SGCD: variants seen among roughly 807,000 people sequenced by gnomAD.
SGCD encodes sarcoglycan delta.
A neutral mutation model predicts 36.6 loss-of-function variants in SGCD; 18 were observed. The observed-to-expected ratio is 0.49, with a 90% CI of 0.34 to 0.73. The LOEUF (loss-of-function observed/expected upper bound fraction) is 0.73, where lower values mean the gene tolerates loss of function less well. SGCD is among the 30% of genes least tolerant of loss of function. The probability of loss-of-function intolerance (pLI) is 0.01; values close to 1 mark genes in which losing one functional copy is unlikely to be tolerated. For missense variants in SGCD, 387 were observed against 346.7 expected (o/e 1.12, Z -0.92); for synonymous variants, 133 against 130.6 (o/e 1.02, Z -0.12).
At chr5:155,800,934 A>G in the SGCD span, among the ~76,000 whole-genome samples, 1 of 152,126 alleles carries the variant, frequency 6.6e-6, no homozygotes, top group South Asian at 2.1e-4. Flanking sequence ...CAGTTAAATC[A>G]TGCTTGTCTT....
intron 1 of SGCD, among the ~76,000 whole-genome samples, chr5:155,905,187 A>C (rs1032406135): frequency 2.0e-5 from 3 of 152,184 alleles, no homozygotes; most frequent in African/African-American, 7.2e-5. Flanking sequence ...TGGAAAGTAT[A>C]GTTCCAGTTT....
chr5:155,844,148 A>G, the SGCD span, among the ~76,000 whole-genome samples: 2 of 151,960 alleles, frequency 1.3e-5, no homozygotes, highest in African/African-American at 2.4e-5. Context: ...AAGGCCTCAC[A>G]CTTATCTGAA....
the SGCD span, among the ~76,000 whole-genome samples, chr5:155,788,609 C>T: frequency 6.6e-6 from 1 of 152,138 alleles, no homozygotes; most frequent in Non-Finnish European, 1.5e-5. Context: ...ACTAGGTCTT[C>T]TATAGCAACC....
intron 6 of SGCD, among the ~76,000 whole-genome samples, chr5:156,640,445 A>G (rs960795422): frequency 3.1e-5 from 4 of 128,738 alleles, no homozygotes; most frequent in African/African-American, 1.0e-4. Flanking sequence ...ATTTTTAAAA[A>G]TGGATTTAAA....
intron 1 of SGCD, among the ~76,000 whole-genome samples, chr5:155,932,286 A>G (rs1010109934): frequency 6.6e-6 from 1 of 152,052 alleles, no homozygotes; most frequent in Non-Finnish European, 1.5e-5. Flanking sequence ...TTATTTCCCA[A>G]CTGTAGACTT....
chr5:155,767,622 G>C, the SGCD span, among the ~76,000 whole-genome samples: 1 of 152,262 alleles, frequency 6.6e-6, no homozygotes, highest in African/African-American at 2.4e-5. Context: ...GTACAGTGGA[G>C]CAAGTGTGAT....
chr5:156,061,702 T>C (rs571338638), intron 1 of SGCD, among the ~76,000 whole-genome samples: 2 of 145,290 alleles, frequency 1.4e-5, no homozygotes, highest in East Asian at 3.9e-4. Context: ...AATAGAAAAC[T>C]AGGAACAGGA....
chr5:156,141,945 A>G (rs1249065523), intron 3 of SGCD, among the ~76,000 whole-genome samples: 1 of 152,114 alleles, frequency 6.6e-6, no homozygotes, highest in Admixed American at 6.5e-5. Context: ...GGAAAAAGCT[A>G]TTTTCAGCCT....
At position 156,338,813 on chromosome 5, in the gene SGCD, G is replaced by T. The variant is rs932090282; in HGVS notation, c.4-5676G>T. On this transcript the variant is annotated intron_variant, in intron 2 of 8. Coordinates refer to ENST00000337851, the MANE Select transcript of SGCD (RefSeq NM_000337.6). ...ACAGAGTCACTGAGGTGTTGGTGGTGGTTGAAGTGGTAGAAGTTACACAGG... is the reference window on the plus strand; with the variant it reads ...ACAGAGTCACTGAGGTGTTGGTGGTTGTTGAAGTGGTAGAAGTTACACAGG... Among the ~76,000 whole-genome samples, 11 of 152,246 alleles carry T rather than the reference G, an allele frequency of 7.2e-5. No homozygotes were observed. The South Asian group carries it at 1.7e-3, about 23-fold the overall frequency.
At chr5:156,275,650 G>T (rs1221330529) in intron 3 of SGCD, among the ~76,000 whole-genome samples, 1 of 152,112 alleles carries the variant, frequency 6.6e-6, no homozygotes, top group African/African-American at 2.4e-5. Context: ...GGGATGAAAG[G>T]GATCTGAGGA....
intron 3 of SGCD, among the ~76,000 whole-genome samples, chr5:156,226,486 G>A (rs567853825): frequency 3.3e-4 from 51 of 152,242 alleles, no homozygotes; most frequent in African/African-American, 1.2e-3. Context: ...ATTTGGGTTG[G>A]TTCTATGATT....
chr5:156,490,487 CAAA>C (rs57894090), intron 3 of SGCD, among the ~76,000 whole-genome samples: 131 of 147,842 alleles, frequency 8.9e-4, no homozygotes, highest in Middle Eastern at 3.5e-3. Flanking sequence ...TGTAACATAT[CAAA>C]AAAAAAAAAA....
At chr5:156,224,573 A>G (rs565388788) in intron 3 of SGCD, among the ~76,000 whole-genome samples, 1 of 152,264 alleles carries the variant, frequency 6.6e-6, no homozygotes, top group Non-Finnish European at 1.5e-5. Flanking sequence ...TGGCAGTTTT[A>G]TAAGAACCAG....
intron 1 of SGCD, among the ~76,000 whole-genome samples, chr5:155,897,713 A>G (rs1756297678): frequency 6.6e-6 from 1 of 152,142 alleles, no homozygotes; most frequent in Non-Finnish European, 1.5e-5. Flanking sequence ...AAAAACTAAG[A>G]CAACACACAC....
At chr5:156,344,702 T>A in intron 3 of SGCD, 25 bp downstream of exon 3, 1 of 1,561,538 alleles carries the variant, frequency 6.4e-7, no homozygotes, top group South Asian at 1.2e-5. Context: ...CTAGGTTTGT[T>A]TAGCTTTCTT....
chr5:156,042,426 G>A (rs1374608363), intron 1 of SGCD, among the ~76,000 whole-genome samples: 1 of 152,096 alleles, frequency 6.6e-6, no homozygotes, highest in Non-Finnish European at 1.5e-5. Flanking sequence ...CACCCAACAA[G>A]CTCATTTTGC....
chr5:156,477,685 CAAAAA>C (rs11411986), intron 3 of SGCD, among the ~76,000 whole-genome samples: 2 of 102,178 alleles, frequency 2.0e-5, no homozygotes, highest in Non-Finnish European at 2.0e-5. Flanking sequence ...AGTATTTGAG[CAAAAA>C]AAAAAAAAAA....
intron 3 of SGCD, among the ~76,000 whole-genome samples, chr5:156,230,001 T>G (rs146226155): frequency 1.1e-4 from 16 of 152,338 alleles, no homozygotes; most frequent in African/African-American, 3.8e-4. Flanking sequence ...TGTCCGTTGT[T>G]TCCTGAAGTT....
chr5:155,934,731 T>C (rs539960107), intron 1 of SGCD, among the ~76,000 whole-genome samples: 1 of 152,346 alleles, frequency 6.6e-6, no homozygotes, highest in African/African-American at 2.4e-5. Context: ...TAGGATGTCA[T>C]AGCCTTTCTT....
Sources: gnomAD v4.1 joint callset for allele counts (sites outside exome capture counted in the v4.1 genomes callset) on GRCh38, gnomAD v4.1.1 for gene constraint, MANE v1.5 for transcripts, NCBI Gene and HGNC (gene_info 2026-07-23, HGNC 2026-07-21) for gene names.